Variants in IFT88 observed in about 807,000 individuals in gnomAD.
IFT88 encodes intraflagellar transport 88.
In IFT88, 74 loss-of-function variants were observed where a neutral mutation model predicts 119.5. The observed-to-expected ratio is 0.62, with a 90% CI of 0.51 to 0.75. IFT88 has a LOEUF of 0.75. Among genes scored for constraint, IFT88 ranks in the 30% least tolerant of loss-of-function variants. The pLI is 0.00. For missense variants in IFT88, 961 were observed against 977.7 expected, an observed-to-expected ratio of 0.98 and a Z score of 0.23; for synonymous variants, 279 against 316.7, an observed-to-expected ratio of 0.88 and a Z score of 1.26.
chr13:20,634,069 C>A (rs780935318), intron 16 of IFT88, among the ~76,000 whole-genome samples: 7 of 152,160 alleles, frequency 4.6e-5, no homozygotes, highest in Non-Finnish European at 8.8e-5. Flanking sequence ...TTGTCCAGGG[C>A]AACTCAGTCT....
intron 20 of IFT88, among the ~76,000 whole-genome samples, chr13:20,648,775 A>AGAT (rs2051136051): frequency 6.6e-6 from 1 of 152,176 alleles, no homozygotes; most frequent in African/African-American, 2.4e-5. Context: ...TGTCTACAAG[A>AGAT]GATGCACTTT....
rs529671166 is a variant in IFT88 at position 20,685,046 on chromosome 13, C to G, written c.2243-5659C>G. ...CTGAGAGCCACAAACGGAATCTGAC[C>G]CACATATTATTGACAGTAAGCCAGT... On this transcript the variant is annotated intron_variant, in intron 24 of 25. Transcript: ENST00000351808. Among the ~76,000 whole-genome samples, 22 of 152,324 alleles carry G rather than the reference C, an allele frequency of 1.4e-4. No homozygotes were observed. In the South Asian group the frequency reaches 4.6e-3, roughly 32 times the overall value.
intron 15 of IFT88, among the ~76,000 whole-genome samples, chr13:20,626,132 C>G (rs2497487): frequency 0.23 from 29,803 of 127,484 alleles, 3,625 homozygotes; most frequent in Middle Eastern, 0.34. Flanking sequence ...GTGATCTACA[C>G]TCACTGCAAG....
Position 20,663,555 on chromosome 13 carries a change from A to G in IFT88, c.2126A>G (p.Tyr709Cys). Residue 709 changes from tyrosine to cysteine, a missense_variant, in exon 23 of 26, where the codon TAT becomes TGT. Coordinates refer to ENST00000351808, the MANE Select transcript of IFT88 (RefSeq NM_006531.5). ...TDLGLKDAQE[Y>C]ARKLKRLEKM... ...CTTGGATTAAAAGATGCTCAAGAAT[A>G]TGCCAGAAAACTGAAGAGGTTGGAA... 1 of 1,614,026 alleles carries G rather than the reference A, an allele frequency of 6.2e-7. No homozygotes were observed. The highest frequency in any genetic ancestry group is 8.5e-7 in the Non-Finnish European group (1 of 1,179,966).
chr13:20,618,810 T>TA (rs1460052851), intron 14 of IFT88, among the ~76,000 whole-genome samples: 1 of 152,158 alleles, frequency 6.6e-6, no homozygotes, highest in African/African-American at 2.4e-5. Context: ...CTGGCATTCT[T>TA]ACTATATTTC....
At chr13:20,586,346 C>T (rs938109162) in intron 3 of IFT88, among the ~76,000 whole-genome samples, 1 of 152,054 alleles carries the variant, frequency 6.6e-6, no homozygotes, top group Non-Finnish European at 1.5e-5. Context: ...TTACAGTCTT[C>T]AGAAGGCAAA....
intron 13 of IFT88, among the ~76,000 whole-genome samples, chr13:20,615,577 C>T (rs1416564419): frequency 2.0e-5 from 3 of 152,114 alleles, no homozygotes; most frequent in Non-Finnish European, 4.4e-5. Flanking sequence ...AAATGAACAC[C>T]GTTGACCCGG....
chr13:20,638,627 TC>T (rs2049389904), intron 17 of IFT88, 109 bp downstream of exon 17: 1 of 594,800 alleles, frequency 1.7e-6, no homozygotes, highest in African/African-American at 1.9e-5. Flanking sequence ...GGAGTTGACT[TC>T]CTTCTAACGG....
intron 16 of IFT88, among the ~76,000 whole-genome samples, chr13:20,633,984 G>A (rs186523626): frequency 6.6e-6 from 1 of 152,260 alleles, no homozygotes; most frequent in African/African-American, 2.4e-5. Context: ...TACTCATGCA[G>A]CTGACATCCT....
chr13:20,567,922 TC>T (rs2035251031), intron 1 of IFT88: 1 of 695,356 alleles, frequency 1.4e-6, no homozygotes, highest in Admixed American at 2.1e-5. Flanking sequence ...ACCAAGGGTG[TC>T]CAATCTTTGG....
At chr13:20,616,996 T>G (rs542032266) in intron 14 of IFT88, among the ~76,000 whole-genome samples, 3 of 152,084 alleles carry the variant, frequency 2.0e-5, no homozygotes, top group African/African-American at 4.8e-5. Flanking sequence ...CAGGCTGGAG[T>G]GCAGTGGCGC....
At chr13:20,581,337 TGAC>T (rs2038608845) in intron 2 of IFT88, among the ~76,000 whole-genome samples, 1 of 152,242 alleles carries the variant, frequency 6.6e-6, no homozygotes, top group Admixed American at 6.5e-5. Flanking sequence ...GAGAATTTGT[TGAC>T]TGTCCTTTTT....
chr13:20,680,727 A>G (rs566513392), intron 24 of IFT88, among the ~76,000 whole-genome samples: 14 of 152,136 alleles, frequency 9.2e-5, no homozygotes, highest in Admixed American at 1.3e-4. Flanking sequence ...TCCTCCCAAA[A>G]TCTCTTCCTT....
At position 20,690,705 on chromosome 13, in the gene IFT88, A is replaced by T. The variant is rs770308243; in HGVS notation, c.2243A>T (p.Asp748Val). ...RGKREGSASG[D>V]SGQNYSASSK... ...TGCATTTTTATTTTCGTGTTTTCAG[A>T]TAGTGGCCAGAACTATAGTGCCAGT... Residue 748 changes from aspartate (D) to valine (V), a missense_variant and splice_region_variant, in exon 25 of 26, where the codon GAT becomes GTT. Physicochemically the swap from Asp to Val is radical, Grantham distance 152. Coordinates refer to ENST00000351808, the MANE Select transcript of IFT88 (RefSeq NM_006531.5). 2 of 1,600,054 alleles carry T rather than the reference A, an allele frequency of 1.2e-6. No individual in the cohort carries two copies. The highest frequency in any genetic ancestry group is 1.7e-6 in the Non-Finnish European group (2 of 1,167,334).
intron 13 of IFT88, among the ~76,000 whole-genome samples, chr13:20,615,325 A>T (rs2045421175): frequency 6.6e-6 from 1 of 152,220 alleles, no homozygotes; most frequent in African/African-American, 2.4e-5. Context: ...AACACATTTT[A>T]TATATGTACG....
intron 23 of IFT88, among the ~76,000 whole-genome samples, chr13:20,667,960 A>G (rs2055026590): frequency 6.6e-6 from 1 of 152,156 alleles, no homozygotes. Context: ...AGCTAAAACT[A>G]CCCTCACTAA....
chr13:20,679,688 A>G lies in IFT88; in HGVS notation c.2242+8649A>G, dbSNP rs146016402. 3.9e-5 allele frequency among the ~76,000 whole-genome samples: 6 copies of G among 152,366 alleles called. No homozygotes were observed. In the East Asian group the frequency reaches 1.2e-3, roughly 29 times the overall value. On this transcript the variant is annotated intron_variant, in intron 24 of 25. Coordinates refer to ENST00000351808, the MANE Select transcript of IFT88 (RefSeq NM_006531.5). ...GAAAGGCGGACAGACACAACTATGT[A>G]TCCAGACTGAACTGTTGTGAGCCAA...
At chr13:20,653,743 G>T (rs2052215287) in intron 20 of IFT88, 133 bp from the exon 21 acceptor site, 2 of 477,460 alleles carry the variant, frequency 4.2e-6, no homozygotes, top group Non-Finnish European at 7.4e-6. Flanking sequence ...TTATATATCT[G>T]CTGTTCTCAA....
intron 3 of IFT88, among the ~76,000 whole-genome samples, chr13:20,587,607 T>C (rs2039922857): frequency 1.3e-5 from 2 of 152,122 alleles, no homozygotes; most frequent in Admixed American, 1.3e-4. Context: ...TGTACTCTCG[T>C]TGTGGGTTTG....
Sources: allele counts gnomAD v4.1 joint callset (sites outside exome capture counted in the v4.1 genomes callset), GRCh38; gene constraint gnomAD v4.1.1; transcripts MANE v1.5; gene names NCBI Gene and HGNC (gene_info 2026-07-23, HGNC 2026-07-21).